FSTL4: variants seen among roughly 807,000 people sequenced by gnomAD.
FSTL4 encodes follistatin-related protein 4.
FSTL4 carries 28 observed loss-of-function variants against 78.2 expected under a neutral mutation model. The observed-to-expected ratio is 0.36, with a 90% CI of 0.27 to 0.49. FSTL4 has a LOEUF of 0.49. Ranked by LOEUF, FSTL4 falls within the 20% of genes least tolerant of loss-of-function variation. FSTL4 has a pLI of 0.98. For missense variants in FSTL4, 922 were observed against 1,084.9 expected (o/e 0.85, Z 2.11); for synonymous variants, 422 against 440.5 (o/e 0.96, Z 0.53).
intron 6 of FSTL4, among the ~76,000 whole-genome samples, chr5:133,250,380 C>G (rs1422255258): frequency 6.6e-6 from 1 of 152,176 alleles, no homozygotes; most frequent in African/African-American, 2.4e-5. Flanking sequence ...CAGCGGCCCA[C>G]TGATGGGACT....
At chr5:133,572,767 T>C (rs147475197) in intron 2 of FSTL4, among the ~76,000 whole-genome samples, 1 of 152,198 alleles carries the variant, frequency 6.6e-6, no homozygotes, top group Non-Finnish European at 1.5e-5. Context: ...AGTGTTATAA[T>C]GTCCTAGTAC....
the FSTL4 span, among the ~76,000 whole-genome samples, chr5:133,744,011 C>A: frequency 6.6e-6 from 1 of 152,210 alleles, no homozygotes; most frequent in African/African-American, 2.4e-5. Flanking sequence ...TGGCAGCCAG[C>A]GGAGGCCCAT....
intron 6 of FSTL4, among the ~76,000 whole-genome samples, chr5:133,256,800 C>G (rs531986830): frequency 2.0e-5 from 3 of 152,338 alleles, no homozygotes; most frequent in South Asian, 4.1e-4. Context: ...TTACGTGTAA[C>G]CAGATTCAAT....
At chr5:133,732,014 G>T in the FSTL4 span, among the ~76,000 whole-genome samples, 1 of 152,156 alleles carries the variant, frequency 6.6e-6, no homozygotes, top group Non-Finnish European at 1.5e-5. Context: ...TCCAGCTGAG[G>T]ATGGTCCCCA....
At chr5:133,695,437 A>G in the FSTL4 span, among the ~76,000 whole-genome samples, 1 of 152,098 alleles carries the variant, frequency 6.6e-6, no homozygotes, top group Non-Finnish European at 1.5e-5. Flanking sequence ...TCAAATGTCA[A>G]AGCAAGCAGA....
the FSTL4 span, among the ~76,000 whole-genome samples, chr5:133,770,625 G>A: frequency 6.6e-6 from 1 of 152,136 alleles, no homozygotes; most frequent in Admixed American, 6.6e-5. Flanking sequence ...TTAGCCCTTT[G>A]TAAGATGCAT....
Position 133,249,494 on chromosome 5 carries a change from G to A in FSTL4, c.810C>T (p.Cys270=), listed in dbSNP as rs769517844. Residue 270 remains cysteine, a synonymous_variant, in exon 7 of 16, where the codon TGC becomes TGT. Coordinates refer to ENST00000265342, the MANE Select transcript of FSTL4 (RefSeq NM_015082.2). ...VTVGLSTVLT[C]AVHGDLRPPI... ...GTGGCCTCAGGTCTCCATGGACGGC[G>A]CAGGTCAGCACTGTGCTCAGCCCCA... 1.4e-5 allele frequency: 23 copies of A among 1,612,926 alleles called. No individual in the cohort carries two copies. The highest frequency in any genetic ancestry group is 2.2e-5 in the South Asian group (2 of 91,070).
chr5:133,240,894 C>G (rs1242601552), intron 7 of FSTL4, among the ~76,000 whole-genome samples: 2 of 152,182 alleles, frequency 1.3e-5, no homozygotes, highest in African/African-American at 4.8e-5. Flanking sequence ...TACAGGGAGG[C>G]AATCTCTAGG....
chr5:133,228,255 G>A (rs1751392994), intron 8 of FSTL4, among the ~76,000 whole-genome samples: 1 of 152,064 alleles, frequency 6.6e-6, no homozygotes, highest in African/African-American at 2.4e-5. Context: ...TAAAAAAAAG[G>A]AAACTTGGAA....
At chr5:133,401,411 A>G (rs976999974) in intron 3 of FSTL4, among the ~76,000 whole-genome samples, 7 of 152,244 alleles carry the variant, frequency 4.6e-5, no homozygotes, top group African/African-American at 1.7e-4. Flanking sequence ...CCAGGCTCAC[A>G]GTCAGCCTCC....
At chr5:133,413,531 T>C (rs964210898) in intron 3 of FSTL4, among the ~76,000 whole-genome samples, 1 of 152,196 alleles carries the variant, frequency 6.6e-6, no homozygotes, top group Non-Finnish European at 1.5e-5. Context: ...TTGCATTTAT[T>C]CTGCTTATAA....
chr5:133,552,829 A>G (rs777508797), intron 3 of FSTL4, among the ~76,000 whole-genome samples: 3 of 152,184 alleles, frequency 2.0e-5, no homozygotes, highest in African/African-American at 4.8e-5. Context: ...TCAGGACCCA[A>G]CGTGACTTTG....
intron 14 of FSTL4, among the ~76,000 whole-genome samples, chr5:133,203,128 G>A (rs1022563318): frequency 6.6e-6 from 1 of 152,234 alleles, no homozygotes; most frequent in Non-Finnish European, 1.5e-5. Context: ...CCAGTGGTCC[G>A]ATGAGGGGCT....
chr5:133,358,056 A>C (rs1229664327), intron 4 of FSTL4, among the ~76,000 whole-genome samples: 2 of 152,164 alleles, frequency 1.3e-5, no homozygotes, highest in Non-Finnish European at 2.9e-5. Context: ...GCCACCTGCT[A>C]TCTGCTCAGC....
chr5:133,776,630 G>C, the FSTL4 span, among the ~76,000 whole-genome samples: 1 of 152,148 alleles, frequency 6.6e-6, no homozygotes, highest in Non-Finnish European at 1.5e-5. Context: ...CTAGAGGAAG[G>C]ATAGGTACAG....
the FSTL4 span, among the ~76,000 whole-genome samples, chr5:133,792,677 T>G: frequency 3.9e-5 from 6 of 152,224 alleles, no homozygotes; most frequent in African/African-American, 1.2e-4. Context: ...GTAATCACAT[T>G]TCCTCTCCTT....
At chr5:133,779,958 G>A in the FSTL4 span, among the ~76,000 whole-genome samples, 1 of 152,166 alleles carries the variant, frequency 6.6e-6, no homozygotes, top group African/African-American at 2.4e-5. Context: ...AGGCCAAGGA[G>A]GTGAGCACCA....
At chr5:133,628,355 TCTTTTCTTTTC>T in the FSTL4 span, among the ~76,000 whole-genome samples, 5,472 of 145,754 alleles carry the variant, frequency 0.038, 317 homozygotes, top group African/African-American at 0.14. Context: ...TCTTTTCTTT[TCTTTTCTTTTC>T]TTTTTTTTTT....
the FSTL4 span, among the ~76,000 whole-genome samples, chr5:133,746,354 C>T: frequency 3.9e-5 from 6 of 152,138 alleles, no homozygotes; most frequent in Non-Finnish European, 7.4e-5. Context: ...ACTACGTGGT[C>T]CTGTCCTTCT....
Sources: allele counts gnomAD v4.1 joint callset (sites outside exome capture counted in the v4.1 genomes callset), GRCh38; gene constraint gnomAD v4.1.1; transcripts MANE v1.5; gene names NCBI Gene and HGNC (gene_info 2026-07-23, HGNC 2026-07-21).